Variants in TAFA1 observed in about 807,000 individuals in gnomAD.
TAFA1 encodes TAFA chemokine like family member 1.
In TAFA1, 4 loss-of-function variants were observed where a neutral mutation model predicts 18.5. That is an observed-to-expected ratio of 0.22 (90% CI 0.11 to 0.49). The LOEUF is 0.49. Among genes scored for constraint, TAFA1 ranks in the 20% least tolerant of loss-of-function variants. The probability of loss-of-function intolerance (pLI) is 0.98; values close to 1 mark genes in which losing one functional copy is unlikely to be tolerated. For synonymous variants in TAFA1, 56 were observed against 55.2 expected (o/e 1.01, Z -0.06); for missense variants, 147 against 169.0 (o/e 0.87, Z 0.72).
intron 2 of TAFA1, among the ~76,000 whole-genome samples, chr3:68,352,402 A>C (rs2069285781): frequency 6.6e-6 from 1 of 151,968 alleles, no homozygotes; most frequent in South Asian, 2.1e-4. Flanking sequence ...AATTCTAGAG[A>C]ATTGACAAGG....
At chr3:68,485,374 G>C (rs1267434045) in intron 3 of TAFA1, among the ~76,000 whole-genome samples, 4 of 152,170 alleles carry the variant, frequency 2.6e-5, no homozygotes, top group African/African-American at 9.7e-5. Context: ...AAATAAATCT[G>C]TGTTTTTGTT....
chr3:68,146,344 C>T (rs938936559), intron 2 of TAFA1, among the ~76,000 whole-genome samples: 10 of 150,664 alleles, frequency 6.6e-5, no homozygotes, highest in African/African-American at 9.8e-5. Context: ...TTTATCTCAT[C>T]TATCTTTAGA....
chr3:68,194,425 G>C (rs1405563054), intron 2 of TAFA1, among the ~76,000 whole-genome samples: 2 of 151,718 alleles, frequency 1.3e-5, no homozygotes, highest in East Asian at 3.9e-4. Context: ...TTAAAAAGAT[G>C]AGACTAACCA....
intron 3 of TAFA1, among the ~76,000 whole-genome samples, chr3:68,484,311 G>C (rs1186146976): frequency 6.6e-6 from 1 of 152,174 alleles, no homozygotes; most frequent in Non-Finnish European, 1.5e-5. Flanking sequence ...GTTTTAGAAA[G>C]ATCACTGTGA....
intron 3 of TAFA1, among the ~76,000 whole-genome samples, chr3:68,464,279 A>G (rs1369064645): frequency 6.6e-6 from 1 of 152,204 alleles, no homozygotes; most frequent in Non-Finnish European, 1.5e-5. Context: ...TGAAAATGCA[A>G]AAAGAATATA....
intron 2 of TAFA1, among the ~76,000 whole-genome samples, chr3:68,136,698 G>A (rs2065612496): frequency 6.6e-6 from 1 of 152,166 alleles, no homozygotes. Context: ...AGACACCAGG[G>A]AAAGCGCAGA....
At chr3:68,379,660 G>T (rs1390250435) in intron 2 of TAFA1, among the ~76,000 whole-genome samples, 1 of 150,348 alleles carries the variant, frequency 6.7e-6, no homozygotes, top group Non-Finnish European at 1.5e-5. Flanking sequence ...TTAAATGTAG[G>T]TTGTCTTCCA....
intron 2 of TAFA1, among the ~76,000 whole-genome samples, chr3:68,391,689 G>C (rs1176962868): frequency 2.0e-5 from 3 of 152,182 alleles, no homozygotes; most frequent in Non-Finnish European, 4.4e-5. Flanking sequence ...AGCCAGAAGA[G>C]AGTGGGGTCC....
intron 2 of TAFA1, among the ~76,000 whole-genome samples, chr3:68,018,324 C>T (rs1229867106): frequency 6.6e-6 from 1 of 152,142 alleles, no homozygotes; most frequent in East Asian, 1.9e-4. Context: ...GGGCCTTTCA[C>T]ACCTTTGAAT....
intron 2 of TAFA1, among the ~76,000 whole-genome samples, chr3:68,259,897 A>G (rs2067378674): frequency 6.6e-6 from 1 of 152,026 alleles, no homozygotes; most frequent in Non-Finnish European, 1.5e-5. Context: ...GGACAATTTG[A>G]CTTCCTCTTT....
intron 2 of TAFA1, among the ~76,000 whole-genome samples, chr3:68,334,126 A>G (rs1223079284): frequency 4.6e-5 from 7 of 152,216 alleles, no homozygotes; most frequent in Admixed American, 4.6e-4. Flanking sequence ...AAATTTGCCA[A>G]GAGAGTAAAT....
chr3:68,507,119 C>A (rs1433086814), intron 3 of TAFA1, among the ~76,000 whole-genome samples: 1 of 152,024 alleles, frequency 6.6e-6, no homozygotes, highest in Non-Finnish European at 1.5e-5. Flanking sequence ...AGCTTCAGAA[C>A]CTTAAACACC....
chr3:68,329,996 C>G (rs963698021), intron 2 of TAFA1, among the ~76,000 whole-genome samples: 1 of 152,116 alleles, frequency 6.6e-6, no homozygotes, highest in African/African-American at 2.4e-5. Context: ...TGGATACACA[C>G]ATAAACTGAA....
At chr3:68,132,848 T>A (rs2106885135) in intron 2 of TAFA1, among the ~76,000 whole-genome samples, 1 of 105,904 alleles carries the variant, frequency 9.4e-6, no homozygotes, top group South Asian at 4.3e-4. Context: ...CTGATGATAA[T>A]TTATTTTGCT....
In TAFA1 at chr3:68,407,339, G is replaced by A. The variant is rs558608587; in HGVS notation, c.119-9941G>A. Among the ~76,000 whole-genome samples the A allele has an allele frequency of 4.6e-5, 7 of 152,018 alleles. No individual in the cohort carries two copies. In the South Asian group the frequency reaches 8.3e-4, roughly 18 times the overall value. On this transcript the variant is annotated intron_variant, in intron 2 of 4. Coordinates refer to ENST00000478136, the MANE Select transcript of TAFA1 (RefSeq NM_213609.4). Reference sequence around the variant, plus strand: ...AGTATAAGAATTATTGCAATCCAGGGCATTCACCCTGGATGTCAGTGTTAG... The same window carrying A: ...AGTATAAGAATTATTGCAATCCAGGACATTCACCCTGGATGTCAGTGTTAG...
intron 2 of TAFA1, among the ~76,000 whole-genome samples, chr3:68,074,235 G>T (rs945740018): frequency 1.3e-5 from 2 of 152,108 alleles, no homozygotes; most frequent in South Asian, 2.1e-4. Context: ...GGCTTAATGC[G>T]AGTGACAGGG....
intron 2 of TAFA1, among the ~76,000 whole-genome samples, chr3:68,370,879 G>C (rs1022079932): frequency 6.7e-6 from 1 of 149,734 alleles, no homozygotes; most frequent in African/African-American, 2.5e-5. Context: ...ATGATCATGT[G>C]GTTGAATCAG....
intron 2 of TAFA1, among the ~76,000 whole-genome samples, chr3:68,252,551 C>A (rs1185872714): frequency 2.0e-5 from 3 of 152,128 alleles, no homozygotes; most frequent in African/African-American, 7.2e-5. Context: ...CAGTCTCCAC[C>A]ACTCTGTAAA....
At chr3:68,482,163 A>G (rs1471523008) in intron 3 of TAFA1, among the ~76,000 whole-genome samples, 1 of 152,148 alleles carries the variant, frequency 6.6e-6, no homozygotes, top group East Asian at 1.9e-4. Flanking sequence ...GGCACCTGCC[A>G]CCATGCCTGG....
Sources: allele counts gnomAD v4.1 joint callset (sites outside exome capture counted in the v4.1 genomes callset), GRCh38; gene constraint gnomAD v4.1.1; transcripts MANE v1.5; gene names NCBI Gene and HGNC (gene_info 2026-07-23, HGNC 2026-07-21).